The following IL12RB2 variants were observed in gnomAD, a reference collection of about 807,000 sequenced individuals.
The protein encoded by IL12RB2 is interleukin-12 receptor subunit beta-2.
IL12RB2 carries 82 observed loss-of-function variants against 89.4 expected under a neutral mutation model. The ratio of observed to expected loss-of-function variants is 0.92; its 90% CI spans 0.77 to 1.10. The LOEUF is 1.10. Among genes scored for constraint, IL12RB2 ranks in the 50% least tolerant of loss-of-function variants. The pLI is 0.00. For synonymous variants in IL12RB2, 368 were observed against 370.1 expected, an observed-to-expected ratio of 0.99 and a Z score of 0.07; for missense variants, 963 against 1,031.9, an observed-to-expected ratio of 0.93 and a Z score of 0.92.
chr1:67,376,828 C>G (rs748110024), intron 13 of IL12RB2, among the ~76,000 whole-genome samples: 1 of 152,160 alleles, frequency 6.6e-6, no homozygotes, highest in Non-Finnish European at 1.5e-5. Context: ...CAGAGTTGGA[C>G]AGTTGATTCC....
At chr1:67,348,579 T>G (rs188931324) in intron 9 of IL12RB2, among the ~76,000 whole-genome samples, 1 of 152,230 alleles carries the variant, frequency 6.6e-6, no homozygotes, top group East Asian at 1.9e-4. Flanking sequence ...GGTGGTTCCT[T>G]GATGATATTC....
chr1:67,386,875 TATATATA>T (rs1570199759), intron 15 of IL12RB2, among the ~76,000 whole-genome samples: 26 of 19,984 alleles, frequency 1.3e-3, no homozygotes, highest in Admixed American at 3.5e-3. Context: ...ATGTATTTTA[TATATATA>T]TATATATATA....
chr1:67,312,811 C>A (rs147466111), intron 1 of IL12RB2, among the ~76,000 whole-genome samples: 84 of 151,602 alleles, frequency 5.5e-4, no homozygotes, highest in African/African-American at 1.8e-3. Context: ...TAAAGAGGAA[C>A]CATAGGACAG....
intron 5 of IL12RB2, among the ~76,000 whole-genome samples, chr1:67,327,963 A>G (rs1416000487): frequency 6.6e-6 from 1 of 152,188 alleles, no homozygotes; most frequent in East Asian, 1.9e-4. Flanking sequence ...AGGCTTGGTT[A>G]CCTATCTACA....
intron 13 of IL12RB2, among the ~76,000 whole-genome samples, 156 bp downstream of exon 13, chr1:67,372,939 G>T (rs1172182698): frequency 1.3e-5 from 2 of 152,178 alleles, no homozygotes; most frequent in Non-Finnish European, 2.9e-5. Context: ...ACTGAATGAA[G>T]AATTAGAAAA....
At chr1:67,343,293 G>A (rs1187824063) in intron 9 of IL12RB2, among the ~76,000 whole-genome samples, 3 of 152,130 alleles carry the variant, frequency 2.0e-5, no homozygotes, top group African/African-American at 7.2e-5. Context: ...TGTTGCCCAG[G>A]CTGGTCACAG....
rs1309409240 is a variant in IL12RB2, at chr1:67,395,937, G to A, written c.2437G>A (p.Ala813Thr). ...SNIDDLPSHEAPLADSLEELE... is the reference protein window; with the variant it reads ...SNIDDLPSHETPLADSLEELE... ...CATAGATGACCTCCCCTCACATGAG[G>A]CACCTCTCGCTGACTCTCTGGAAGA... is the stretch of plus-strand genomic sequence containing the variant. The change falls in exon 17 of 17, where the codon GCA (alanine) becomes ACA (threonine). Residue 813 changes from alanine to threonine, a missense_variant. Ala to Thr is a moderately conservative substitution (Grantham distance 58). Transcript: ENST00000674203. 9.3e-6 allele frequency: 15 copies of A among 1,611,808 alleles called. No homozygotes were observed. Among genetic ancestry groups the A allele is most frequent in the Non-Finnish European group, 1.3e-5 (15 of 1,177,954 alleles).
At chr1:67,328,792 G>A (rs1368337094) in intron 6 of IL12RB2, among the ~76,000 whole-genome samples, 1 of 152,176 alleles carries the variant, frequency 6.6e-6, no homozygotes, top group African/African-American at 2.4e-5. Flanking sequence ...GGGCCTGCTA[G>A]GCTAGAGCAG....
chr1:67,330,439 A>T (rs1657911392), intron 7 of IL12RB2, among the ~76,000 whole-genome samples: 1 of 152,066 alleles, frequency 6.6e-6, no homozygotes, highest in Non-Finnish European at 1.5e-5. Flanking sequence ...GGTTCTTAGT[A>T]CCCAGAGATT....
intron 9 of IL12RB2, among the ~76,000 whole-genome samples, chr1:67,348,355 T>G (rs1044409015): frequency 6.6e-6 from 1 of 152,082 alleles, no homozygotes; most frequent in Non-Finnish European, 1.5e-5. Flanking sequence ...CACCTACCAG[T>G]TCATTGTCTC....
At chr1:67,315,522 G>A (rs926444501) in intron 2 of IL12RB2, among the ~76,000 whole-genome samples, 28 of 152,040 alleles carry the variant, frequency 1.8e-4, no homozygotes, top group African/African-American at 6.8e-4. Context: ...CTACTATAGG[G>A]GTAGAAAAAC....
At chr1:67,387,340 G>C (rs1665309279) in intron 15 of IL12RB2, among the ~76,000 whole-genome samples, 1 of 152,022 alleles carries the variant, frequency 6.6e-6, no homozygotes, top group South Asian at 2.1e-4. Context: ...TAAGGGATTG[G>C]TTAACTAAAT....
At position 67,380,005 on chromosome 1, in the gene IL12RB2, C is replaced by G; in HGVS notation, c.1737C>G (p.Ser579=). 1 of 1,611,932 alleles carries G rather than the reference C, an allele frequency of 6.2e-7. No homozygotes were observed. The highest frequency in any genetic ancestry group is 8.5e-7 in the Non-Finnish European group (1 of 1,177,978). The change falls in exon 14 of 17, where the codon TCC becomes TCG. Residue 579 remains serine (S), a synonymous_variant. Transcript: ENST00000674203. ...TTTCAGAAATTCCCTACAGAGTCTC[C>G]CAAAATTCACATCCAATAAACAGCC... is the stretch of plus-strand genomic sequence containing the variant. ...PQLCEIPYRV[S]QNSHPINSLQ... is the part of the protein sequence containing the mutation.
intron 15 of IL12RB2, among the ~76,000 whole-genome samples, chr1:67,388,626 G>C (rs779942449): frequency 2.0e-5 from 3 of 152,222 alleles, no homozygotes; most frequent in Non-Finnish European, 4.4e-5. Flanking sequence ...TTACAGGCGT[G>C]AGCCACCGCA....
At chr1:67,310,381 G>A (rs1275385388) in intron 1 of IL12RB2, among the ~76,000 whole-genome samples, 1 of 152,052 alleles carries the variant, frequency 6.6e-6, no homozygotes, top group Non-Finnish European at 1.5e-5. Context: ...ATAAAGAAAT[G>A]TAAGGCCCAG....
intron 10 of IL12RB2, among the ~76,000 whole-genome samples, chr1:67,357,109 C>T (rs1223716588): frequency 1.3e-5 from 2 of 152,146 alleles, no homozygotes; most frequent in Non-Finnish European, 2.9e-5. Context: ...GTTATTCTGG[C>T]ACTTTGGGAG....
At chr1:67,382,002 A>G (rs1012605117) in intron 14 of IL12RB2, among the ~76,000 whole-genome samples, 2 of 152,126 alleles carry the variant, frequency 1.3e-5, no homozygotes, top group Non-Finnish European at 2.9e-5. Context: ...AAAAAAAAAT[A>G]AAAACAAAAA....
intron 2 of IL12RB2, among the ~76,000 whole-genome samples, chr1:67,318,818 A>G (rs868199721): frequency 6.6e-6 from 1 of 152,066 alleles, no homozygotes; most frequent in Non-Finnish European, 1.5e-5. Flanking sequence ...CTACTCTGAA[A>G]TCTTTAGCTA....
chr1:67,314,662 T>A (rs536847787), intron 2 of IL12RB2, among the ~76,000 whole-genome samples: 5 of 152,206 alleles, frequency 3.3e-5, no homozygotes, highest in African/African-American at 7.2e-5. Context: ...GATTATCACC[T>A]GCGAAAGGAA....
Sources: allele counts gnomAD v4.1 joint callset (sites outside exome capture counted in the v4.1 genomes callset), GRCh38; gene constraint gnomAD v4.1.1; transcripts MANE v1.5; gene names NCBI Gene and HGNC (gene_info 2026-07-23, HGNC 2026-07-21).